SRGAP2: variants seen among roughly 807,000 people sequenced by gnomAD.
SRGAP2 encodes the protein SLIT-ROBO Rho GTPase activating protein 2, also known as SLIT-ROBO Rho GTPase-activating protein 2.
In SRGAP2, 15 loss-of-function variants were observed where a neutral mutation model predicts 57.2. The observed-to-expected ratio is 0.26, with a 90% CI of 0.18 to 0.40. The LOEUF (loss-of-function observed/expected upper bound fraction) is 0.40, where lower values mean the gene tolerates loss of function less well. Among genes scored for constraint, SRGAP2 ranks in the 10% least tolerant of loss-of-function variants. The pLI is 1.00. For synonymous variants in SRGAP2, 249 were observed against 248.0 expected, an observed-to-expected ratio of 1.00 and a Z score of -0.04; for missense variants, 520 against 669.6, an observed-to-expected ratio of 0.78 and a Z score of 2.47.
At chr1:206,413,169 C>A (rs781877830) in intron 10 of SRGAP2, among the ~76,000 whole-genome samples, 9 of 152,180 alleles carry the variant, frequency 5.9e-5, no homozygotes, top group African/African-American at 1.2e-4. Context: ...AGAACTGTGG[C>A]TGTTTTCTGA....
intron 14 of SRGAP2, among the ~76,000 whole-genome samples, chr1:206,434,798 C>T (rs1158693305): frequency 1.3e-5 from 2 of 152,164 alleles, no homozygotes. Flanking sequence ...TCCTGGACCC[C>T]CAGGCCAAGG....
At chr1:206,259,628 T>A (rs1421351130) in intron 2 of SRGAP2, among the ~76,000 whole-genome samples, 3 of 149,784 alleles carry the variant, frequency 2.0e-5, no homozygotes, top group Admixed American at 2.0e-4. Context: ...TGAGCCAACA[T>A]GTTTGCATTT....
chr1:206,310,363 C>G (rs1462536349), intron 3 of SRGAP2, among the ~76,000 whole-genome samples: 1 of 151,818 alleles, frequency 6.6e-6, no homozygotes, highest in Non-Finnish European at 1.5e-5. Flanking sequence ...GAATGTCTAA[C>G]TACAGTTTTA....
chr1:206,393,804 T>G (rs1181056555), intron 7 of SRGAP2, 131 bp downstream of exon 7: 1 of 487,562 alleles, frequency 2.1e-6, no homozygotes, highest in African/African-American at 2.0e-5. Context: ...GCAGCCATGA[T>G]CCATCAGGGT....
chr1:206,436,829 C>T (rs901806168), intron 14 of SRGAP2, 136 bp from the exon 15 acceptor site: 2 of 665,048 alleles, frequency 3.0e-6, no homozygotes, highest in Non-Finnish European at 5.6e-6. Flanking sequence ...ACATGTTTTT[C>T]TCCTTTGGCC....
chr1:206,279,879 G>T (rs1310242879), intron 2 of SRGAP2, among the ~76,000 whole-genome samples: 2 of 151,900 alleles, frequency 1.3e-5, no homozygotes, highest in Non-Finnish European at 2.9e-5. Context: ...TTACCCACCT[G>T]CATGCTAGAG....
chr1:206,309,008 AC>A (rs1672421966), intron 3 of SRGAP2, among the ~76,000 whole-genome samples: 1 of 140,398 alleles, frequency 7.1e-6, no homozygotes, highest in South Asian at 2.4e-4. Context: ...ACCCATCTCT[AC>A]AAAAAATAAA....
chr1:206,309,226 T>C lies in SRGAP2; in HGVS notation c.260+5753T>C, dbSNP rs577637620. 2.4e-3 allele frequency among the ~76,000 whole-genome samples: 351 copies of C among 148,432 alleles called. 3 individuals carry two copies. The highest frequency in any genetic ancestry group is 6.9e-3 in the Admixed American group (104 of 15,018). ...GAAAAGAGCTATGTAAATAGTATAA[T>C]GTGAAAAGAGCTTTAGTAGAGATAT... On this transcript the variant is annotated intron_variant, in intron 3 of 22. Coordinates refer to ENST00000573034, the MANE Select transcript of SRGAP2 (RefSeq NM_015326.5).
chr1:206,450,602 T>C, intron 19 of SRGAP2, 137 bp downstream of exon 19: 1 of 615,118 alleles, frequency 1.6e-6, no homozygotes, highest in Non-Finnish European at 2.9e-6. Flanking sequence ...TGTCTCAATT[T>C]CATTCCCTTC....
chr1:206,419,422 C>T (rs368394096), intron 12 of SRGAP2, 22 bp downstream of exon 12: 2 of 780,692 alleles, frequency 2.6e-6, no homozygotes, highest in Non-Finnish European at 4.8e-6. Context: ...CTGGGACAGG[C>T]CTGGGAAGTG....
intron 4 of SRGAP2, among the ~76,000 whole-genome samples, chr1:206,367,264 C>G (rs1435327418): frequency 1.1e-4 from 17 of 152,176 alleles, no homozygotes; most frequent in Non-Finnish European, 5.9e-5. Flanking sequence ...GTCTTTCTTG[C>G]TGTGAAAATT....
Position 206,454,264 on chromosome 1 carries a change from C to T in SRGAP2, c.2361-614C>T. 1 of 691,326 alleles carries T rather than the reference C, an allele frequency of 1.4e-6. No homozygotes were observed. Among genetic ancestry groups the T allele is most frequent in the East Asian group, 2.7e-5 (1 of 37,082 alleles). 42.8% of individuals were successfully genotyped at this position (691,326 alleles called of 1,614,324 possible). ...GCAATCTGTGCGTGGACAGGACCCT[C>T]CCAAATTTAGCATTATGACTTCACC... On this transcript the variant is annotated intron_variant, in intron 20 of 22. Transcript: ENST00000573034. The surrounding 1 kb of genome is among the most constrained non-coding windows in gnomAD (Gnocchi z 4.3).
chr1:206,301,446 T>G (rs1372395830), intron 2 of SRGAP2, among the ~76,000 whole-genome samples: 2 of 151,000 alleles, frequency 1.3e-5, no homozygotes, highest in Non-Finnish European at 3.0e-5. Context: ...TTTTCACTAA[T>G]ATATTGAAGG....
intron 18 of SRGAP2, among the ~76,000 whole-genome samples, chr1:206,448,858 CAA>C (rs1662993905): frequency 6.6e-6 from 1 of 152,084 alleles, no homozygotes; most frequent in Non-Finnish European, 1.5e-5. Context: ...CATTTTTTGA[CAA>C]AGAGGAATCT....
chr1:206,242,421 G>T, intron 2 of SRGAP2, among the ~76,000 whole-genome samples: 1 of 137,016 alleles, frequency 7.3e-6, no homozygotes, highest in Non-Finnish European at 1.6e-5. Context: ...CCCCCTGTCT[G>T]CTTTTCTTTG....
intron 3 of SRGAP2, among the ~76,000 whole-genome samples, chr1:206,325,984 TC>T (rs1271923330): frequency 6.6e-6 from 1 of 151,924 alleles, no homozygotes; most frequent in Non-Finnish European, 1.5e-5. Context: ...GAAACTGCTC[TC>T]TTTTGCATTT....
At chr1:206,357,277 T>C (rs1306139524) in intron 4 of SRGAP2, among the ~76,000 whole-genome samples, 1 of 149,436 alleles carries the variant, frequency 6.7e-6, no homozygotes, top group East Asian at 1.9e-4. Context: ...TAAAAAGTAG[T>C]AACGTGTTTT....
intron 11 of SRGAP2, among the ~76,000 whole-genome samples, chr1:206,416,880 A>G (rs1320510200): frequency 2.6e-5 from 4 of 152,100 alleles, no homozygotes; most frequent in African/African-American, 9.7e-5. Context: ...CTGTACTTAC[A>G]CAGAGATCTG....
intron 3 of SRGAP2, among the ~76,000 whole-genome samples, chr1:206,323,666 A>T: frequency 7.0e-6 from 1 of 142,232 alleles, no homozygotes; most frequent in African/African-American, 2.6e-5. Context: ...AATATGCTTG[A>T]TGTAAGACCT....
Sources: gnomAD v4.1 joint callset for allele counts (sites outside exome capture counted in the v4.1 genomes callset) on GRCh38, gnomAD v4.1.1 for gene constraint, Gnocchi (gnomAD v3.1) non-coding constraint, MANE v1.5 for transcripts, NCBI Gene and HGNC (gene_info 2026-07-23, HGNC 2026-07-21) for gene names.